The following MCCC1 variants were observed in gnomAD, a reference collection of about 807,000 sequenced individuals.
MCCC1 encodes methylcrotonoyl-CoA carboxylase subunit alpha, mitochondrial.
In MCCC1, 64 loss-of-function variants were observed where a neutral mutation model predicts 83.8. The ratio of observed to expected loss-of-function variants is 0.76; its 90% CI spans 0.62 to 0.94. The LOEUF is 0.94. Among genes scored for constraint, MCCC1 ranks in the 40% least tolerant of loss-of-function variants. The pLI is 0.00. For synonymous variants in MCCC1, 322 were observed against 315.4 expected, an observed-to-expected ratio of 1.02 and a Z score of -0.22; for missense variants, 807 against 904.7, an observed-to-expected ratio of 0.89 and a Z score of 1.39.
At chr3:183,052,082 G>T in intron 9 of MCCC1, 77 bp downstream of exon 9, 1 of 1,362,188 alleles carries the variant, frequency 7.3e-7, no homozygotes, top group Non-Finnish European at 1.0e-6. Context: ...TGATTTAAAA[G>T]TTGTGTTTCT....
At chr3:183,103,496 A>G (rs879779265), upstream of MCCC1, among the ~76,000 whole-genome samples, 5 of 152,086 alleles carry the variant, frequency 3.3e-5, no homozygotes, top group Non-Finnish European at 7.4e-5. Flanking sequence ...CGGAGTATCC[A>G]CACAAAGGTT....
upstream of MCCC1, among the ~76,000 whole-genome samples, chr3:183,102,625 GAAA>G (rs555145793): frequency 2.6e-5 from 4 of 151,118 alleles, no homozygotes; most frequent in Non-Finnish European, 5.9e-5. Flanking sequence ...TAGCCCTCTG[GAAA>G]AAAAAGCTGG....
chr3:183,089,143 C>T (rs1053441706), intron 3 of MCCC1, among the ~76,000 whole-genome samples: 20 of 152,238 alleles, frequency 1.3e-4, no homozygotes, highest in African/African-American at 4.3e-4. Context: ...CCACCCTCAT[C>T]AACACTGAAT....
At chr3:183,099,536 C>G, upstream of MCCC1, 3 of 1,419,430 alleles carry the variant, frequency 2.1e-6, no homozygotes. Context: ...CTCGTGACCC[C>G]CGCCGGCCAC....
chr3:183,112,303 G>A (rs923255055), intron 1 of MCCC1, among the ~76,000 whole-genome samples: 7 of 152,190 alleles, frequency 4.6e-5, no homozygotes, highest in Non-Finnish European at 8.8e-5. Flanking sequence ...AGGACAGAAG[G>A]TAGGGTGTTT....
chr3:183,099,642 GA>G, upstream of MCCC1: 1 of 656,488 alleles, frequency 1.5e-6, no homozygotes, highest in Non-Finnish European at 2.6e-6. Flanking sequence ...CAGTAGCGAC[GA>G]TTGGGCAGTC....
Position 183,072,446 on chromosome 3 carries a change from T to C in MCCC1, c.411A>G (p.Glu137=), listed in dbSNP as rs2108528534. The C allele has an allele frequency of 6.2e-7, 1 of 1,613,886 alleles. No individual in the cohort carries two copies. ...PGCGFLSENM[E]FAELCKQEGI... ...CTTCTTGCTTACAAAGTTCAGCAAATTCCATGTTTTCTGAGAGAAAACCGC... is the reference window on the plus strand; with the variant it reads ...CTTCTTGCTTACAAAGTTCAGCAAACTCCATGTTTTCTGAGAGAAAACCGC... Residue 137 remains glutamate (E), a synonymous_variant, in exon 5 of 19, where the codon GAA becomes GAG. Coordinates refer to ENST00000265594, the MANE Select transcript of MCCC1 (RefSeq NM_020166.5).
upstream of MCCC1, among the ~76,000 whole-genome samples, chr3:183,104,339 A>G (rs1411404108): frequency 6.6e-6 from 1 of 152,034 alleles, no homozygotes; most frequent in Non-Finnish European, 1.5e-5. Flanking sequence ...AGCTGTCTCG[A>G]ACTCCTGACC....
chr3:183,108,389 C>T (rs1719439700), intron 1 of MCCC1, among the ~76,000 whole-genome samples: 2 of 152,126 alleles, frequency 1.3e-5, no homozygotes, highest in African/African-American at 4.8e-5. Context: ...TCTGGAGCTA[C>T]AAAATGTGAG....
intron 7 of MCCC1, among the ~76,000 whole-genome samples, chr3:183,057,703 C>T (rs1715526726): frequency 6.6e-6 from 1 of 152,048 alleles, no homozygotes; most frequent in African/African-American, 2.4e-5. Context: ...CATGGTGAAA[C>T]CCCAATCTCT....
chr3:183,104,147 G>A (rs919743160), upstream of MCCC1, among the ~76,000 whole-genome samples: 5 of 152,240 alleles, frequency 3.3e-5, no homozygotes, highest in Admixed American at 6.5e-5. Flanking sequence ...CTCCCTGCAA[G>A]CTGAGGGAGC....
In MCCC1 at chr3:183,079,031, C is replaced by A. The variant is rs538411448; in HGVS notation, c.370-6544G>T. Among the ~76,000 whole-genome samples the A allele has an allele frequency of 4.6e-5, 7 of 152,300 alleles. 1 individual carries two copies. The South Asian group carries it at 1.5e-3, about 32-fold the overall frequency. Reference sequence around the variant, plus strand: ...AAGACCTGCCCCCATAATTCAATCACCTCCCACTGGGTTCCTCCCACGATA... The same window carrying A: ...AAGACCTGCCCCCATAATTCAATCAACTCCCACTGGGTTCCTCCCACGATA... On this transcript the variant is annotated intron_variant, in intron 4 of 18. Transcript: ENST00000265594.
At chr3:183,060,087 T>C (rs894586992) in intron 7 of MCCC1, among the ~76,000 whole-genome samples, 1 of 152,232 alleles carries the variant, frequency 6.6e-6, no homozygotes, top group African/African-American at 2.4e-5. Context: ...TTCTAATTCT[T>C]GTGGTATTCA....
chr3:183,102,889 T>C (rs1389498366), upstream of MCCC1, among the ~76,000 whole-genome samples: 1 of 146,446 alleles, frequency 6.8e-6, no homozygotes, highest in Admixed American at 7.0e-5. Context: ...CAAGTTCAAA[T>C]GATTCTCATG....
rs968644715 is a variant in MCCC1 at position 183,091,000 on chromosome 3, T to C, written c.273+1409A>G. The C allele has an allele frequency of 4.2e-5, 19 of 456,524 alleles. No homozygotes were observed. In the Admixed American group the frequency reaches 4.2e-4, roughly 10 times the overall value. 28.3% of individuals were successfully genotyped at this position (456,524 alleles called of 1,614,324 possible). On this transcript the variant is annotated intron_variant, in intron 3 of 18. Coordinates refer to ENST00000265594, the MANE Select transcript of MCCC1 (RefSeq NM_020166.5). ...CAGATTCTGTGGCAGGAACCTCAAT[T>C]TTATTTTCTCTGTGAAATCAAGATC...
chr3:183,054,444 C>A (rs1715260808), intron 8 of MCCC1, among the ~76,000 whole-genome samples: 1 of 151,316 alleles, frequency 6.6e-6, no homozygotes, highest in Admixed American at 6.6e-5. Flanking sequence ...GTCTCGGCCT[C>A]CCAAAGCGCT....
intron 17 of MCCC1, chr3:183,017,611 A>G: frequency 2.1e-6 from 1 of 474,764 alleles, no homozygotes; most frequent in Non-Finnish European, 3.8e-6. Context: ...AGAGGCCTAC[A>G]GCCCAAATAT....
chr3:183,045,143 C>T (rs1446481251), intron 10 of MCCC1, among the ~76,000 whole-genome samples: 5 of 150,664 alleles, frequency 3.3e-5, no homozygotes, highest in South Asian at 2.1e-4. Context: ...TGCAGTGGCG[C>T]GATCTCGGCT....
intron 9 of MCCC1, among the ~76,000 whole-genome samples, chr3:183,046,896 T>A (rs1244308947): frequency 6.6e-6 from 1 of 152,120 alleles, no homozygotes; most frequent in Non-Finnish European, 1.5e-5. Flanking sequence ...AGAGATGCCA[T>A]GAGGAGAAGC....
Sources: gnomAD v4.1 joint callset for allele counts (sites outside exome capture counted in the v4.1 genomes callset) on GRCh38, gnomAD v4.1.1 for gene constraint, MANE v1.5 for transcripts, NCBI Gene and HGNC (gene_info 2026-07-23, HGNC 2026-07-21) for gene names.